The following PTPRD variants were observed in gnomAD, a reference collection of about 807,000 sequenced individuals.
PTPRD encodes protein tyrosine phosphatase receptor type D, also known as receptor-type tyrosine-protein phosphatase delta.
PTPRD carries 34 observed loss-of-function variants against 214.5 expected under a neutral mutation model. That is an observed-to-expected ratio of 0.16 (90% CI 0.12 to 0.21). The LOEUF (loss-of-function observed/expected upper bound fraction) is 0.21, where lower values mean the gene tolerates loss of function less well. PTPRD is among the 10% of genes least tolerant of loss of function. The probability of loss-of-function intolerance (pLI) is 1.00; values close to 1 mark genes in which losing one functional copy is unlikely to be tolerated. For synonymous variants in PTPRD, 1,128 were observed against 845.7 expected (o/e 1.33, Z -5.79); for missense variants, 2,545 against 2,398.7 (o/e 1.06, Z -1.27).
chr9:9,794,697 A>T (rs985154633), intron 5 of PTPRD, among the ~76,000 whole-genome samples: 1 of 152,212 alleles, frequency 6.6e-6, no homozygotes. Flanking sequence ...TATGTTCTCA[A>T]TTTTACAGAT....
chr9:9,480,900 C>T (rs1427216357), intron 8 of PTPRD, among the ~76,000 whole-genome samples: 2 of 152,150 alleles, frequency 1.3e-5, no homozygotes, highest in African/African-American at 2.4e-5. Context: ...AAGGATTAAT[C>T]ATGCTGTCTA....
intron 2 of PTPRD, among the ~76,000 whole-genome samples, chr9:10,450,331 C>A (rs962225968): frequency 6.6e-6 from 1 of 151,690 alleles, no homozygotes; most frequent in Non-Finnish European, 1.5e-5. Context: ...AAAAATGCAT[C>A]ATGTATATGC....
intron 8 of PTPRD, among the ~76,000 whole-genome samples, chr9:9,434,041 C>T (rs997732744): frequency 1.3e-5 from 2 of 152,162 alleles, no homozygotes; most frequent in Non-Finnish European, 2.9e-5. Context: ...CCCAGAATAT[C>T]GCTTTACAGA....
chr9:9,268,254 C>G (rs966034733), intron 9 of PTPRD, among the ~76,000 whole-genome samples: 1 of 150,858 alleles, frequency 6.6e-6, no homozygotes, highest in African/African-American at 2.4e-5. Context: ...AGAAAACAAT[C>G]CTATTTACAA....
At chr9:9,963,800 T>C (rs943464921) in intron 4 of PTPRD, among the ~76,000 whole-genome samples, 4 of 152,154 alleles carry the variant, frequency 2.6e-5, no homozygotes, top group Non-Finnish European at 4.4e-5. Flanking sequence ...AAGGGTACCA[T>C]GCACTAACTC....
At chr9:10,529,389 A>G (rs965305364) in intron 2 of PTPRD, among the ~76,000 whole-genome samples, 4 of 152,200 alleles carry the variant, frequency 2.6e-5, no homozygotes, top group African/African-American at 9.6e-5. Flanking sequence ...CTATTCAGCC[A>G]TAAAAAAGAA....
chr9:8,853,060 T>A (rs544868302), intron 11 of PTPRD, among the ~76,000 whole-genome samples: 1 of 152,190 alleles, frequency 6.6e-6, no homozygotes, highest in East Asian at 1.9e-4. Context: ...GAGAAAAAAA[T>A]GCAAACTGTT....
At chr9:8,938,082 T>A (rs1045812343) in intron 11 of PTPRD, among the ~76,000 whole-genome samples, 2 of 152,108 alleles carry the variant, frequency 1.3e-5, no homozygotes, top group Non-Finnish European at 2.9e-5. Context: ...TTTAATAACA[T>A]GAAGTATTGC....
intron 8 of PTPRD, among the ~76,000 whole-genome samples, chr9:9,470,806 G>A (rs114836684): frequency 0.012 from 1,834 of 152,284 alleles, 30 homozygotes; most frequent in African/African-American, 0.042. Flanking sequence ...TCAATGTGAA[G>A]CTGCCATGCT....
At chr9:8,427,877 C>T (rs191683252) in intron 35 of PTPRD, among the ~76,000 whole-genome samples, 129 of 151,888 alleles carry the variant, frequency 8.5e-4, no homozygotes, top group South Asian at 1.5e-3. Flanking sequence ...CTTAGTGGTA[C>T]ATGCAATGAT....
At chr9:8,393,788 C>A (rs1415626406) in intron 36 of PTPRD, among the ~76,000 whole-genome samples, 1 of 152,104 alleles carries the variant, frequency 6.6e-6, no homozygotes, top group Non-Finnish European at 1.5e-5. Flanking sequence ...TAAGGCTAGA[C>A]CCTCTAACTT....
At chr9:8,650,102 G>A (rs1385585399) in intron 12 of PTPRD, among the ~76,000 whole-genome samples, 1 of 152,104 alleles carries the variant, frequency 6.6e-6, no homozygotes, top group Non-Finnish European at 1.5e-5. Flanking sequence ...ATGTTTTGTA[G>A]AGATGGGGTC....
intron 12 of PTPRD, among the ~76,000 whole-genome samples, chr9:8,725,973 T>C (rs1023871393): frequency 2.0e-5 from 3 of 151,724 alleles, no homozygotes; most frequent in Admixed American, 1.3e-4. Flanking sequence ...AAAATTTTTA[T>C]ATTCCCACCA....
intron 2 of PTPRD, among the ~76,000 whole-genome samples, chr9:10,432,642 A>G (rs1478233607): frequency 6.6e-6 from 1 of 151,866 alleles, no homozygotes; most frequent in South Asian, 2.1e-4. Flanking sequence ...CAGTATTACA[A>G]CCTGATCATT....
intron 5 of PTPRD, among the ~76,000 whole-genome samples, chr9:9,826,397 T>A (rs1376456449): frequency 6.6e-6 from 1 of 151,786 alleles, no homozygotes; most frequent in Admixed American, 6.6e-5. Flanking sequence ...TTCAATTATT[T>A]AAAAAAAATA....
At chr9:9,738,618 T>C (rs2098343411) in intron 6 of PTPRD, among the ~76,000 whole-genome samples, 1 of 151,820 alleles carries the variant, frequency 6.6e-6, no homozygotes, top group African/African-American at 2.4e-5. Context: ...ATTTTTGTAT[T>C]TTTAGTAGAG....
chr9:8,943,115 G>C (rs1383366633), intron 11 of PTPRD, among the ~76,000 whole-genome samples: 2 of 151,984 alleles, frequency 1.3e-5, no homozygotes, highest in East Asian at 3.9e-4. Context: ...ATAAAATGCT[G>C]ATGCAAGAAA....
intron 8 of PTPRD, among the ~76,000 whole-genome samples, chr9:9,431,303 T>C (rs576399219): frequency 2.0e-5 from 3 of 151,894 alleles, no homozygotes; most frequent in African/African-American, 7.3e-5. Flanking sequence ...ACATGAAAAA[T>C]TGCTCATCAT....
At chr9:9,775,191 G>C (rs1346265730) in intron 5 of PTPRD, among the ~76,000 whole-genome samples, 3 of 152,154 alleles carry the variant, frequency 2.0e-5, no homozygotes, top group African/African-American at 7.2e-5. Context: ...CCATTTTCCT[G>C]TGTCTTTTTA....
Sources: allele counts gnomAD v4.1 joint callset (sites outside exome capture counted in the v4.1 genomes callset), GRCh38; gene constraint gnomAD v4.1.1; transcripts MANE v1.5; gene names NCBI Gene and HGNC (gene_info 2026-07-23, HGNC 2026-07-21).